The following SPTBN1 variants were observed in gnomAD, a reference collection of about 807,000 sequenced individuals.
SPTBN1 encodes the protein spectrin beta chain, non-erythrocytic 1.
A neutral mutation model predicts 266.4 loss-of-function variants in SPTBN1; 32 were observed. The ratio of observed to expected loss-of-function variants is 0.12; its 90% CI spans 0.09 to 0.16. The LOEUF (loss-of-function observed/expected upper bound fraction) is 0.16, where lower values mean the gene tolerates loss of function less well. SPTBN1 is among the 10% of genes least tolerant of loss of function. The pLI is 1.00. For synonymous variants in SPTBN1, 1,336 were observed against 1,162.2 expected (o/e 1.15, Z -3.04); for missense variants, 2,296 against 3,067.1 (o/e 0.75, Z 5.94).
At position 54,632,771 on chromosome 2, in the gene SPTBN1, A is replaced by G. The variant is rs770225274; in HGVS notation, c.3767+3A>G. ...AAGGTGGACTCTATTGATGACAGGTACAGTTTTCTGAGGTTCTTAAGGGAG... is the reference window on the plus strand; with the variant it reads ...AAGGTGGACTCTATTGATGACAGGTGCAGTTTTCTGAGGTTCTTAAGGGAG... On this transcript the variant is annotated splice_donor_region_variant and intron_variant, in intron 17 of 35. Coordinates refer to ENST00000356805, the MANE Select transcript of SPTBN1 (RefSeq NM_003128.3). The G allele has an allele frequency of 6.2e-7, 1 of 1,613,918 alleles. No individual in the cohort carries two copies. Among genetic ancestry groups the G allele is most frequent in the Admixed American group, 1.7e-5 (1 of 60,002 alleles).
chr2:54,487,405 C>G (rs577778488), intron 1 of SPTBN1, among the ~76,000 whole-genome samples: 1 of 27,000 alleles, frequency 3.7e-5, no homozygotes, highest in Non-Finnish European at 5.8e-5. Context: ...GCATGACATA[C>G]TACTACTGTA....
rs1671379271 is a variant in SPTBN1 at position 54,533,349 on chromosome 2, AGTGTG to A, written c.148+6784_148+6788del. On this transcript the variant is annotated intron_variant, in intron 2 of 35. Coordinates refer to ENST00000356805, the MANE Select transcript of SPTBN1 (RefSeq NM_003128.3). This position sits in a 1 kb window ranked among gnomAD's most constrained non-coding sequence, Gnocchi z 4.2. Reference sequence around the variant, plus strand: ...AGTGAAACCCAGGCTAAAGGGGACTAGTGTGTGTGTGTGTGTGTGTGTGTGTGTGT... The same window carrying A: ...AGTGAAACCCAGGCTAAAGGGGACTATGTGTGTGTGTGTGTGTGTGTGTGT... Among the ~76,000 whole-genome samples the A allele has an allele frequency of 7.0e-6, 1 of 141,884 alleles. No individual in the cohort carries two copies. Among genetic ancestry groups the A allele is most frequent in the African/African-American group, 2.7e-5 (1 of 37,702 alleles). 93.1% of individuals were successfully genotyped at this position (141,884 alleles called of 152,430 possible). A position where few individuals can be genotyped will look rare whatever the true frequency, so the allele number is the denominator to read the frequency against.
chr2:54,466,664 G>A (rs993670493), intron 1 of SPTBN1, among the ~76,000 whole-genome samples: 3 of 149,674 alleles, frequency 2.0e-5, no homozygotes, highest in African/African-American at 7.3e-5. Context: ...CTTGGGTAAT[G>A]GAATTGCAGA....
chr2:54,649,462 AG>A lies in SPTBN1; in HGVS notation c.5203-151del. 2 of 1,253,322 alleles carry A rather than the reference AG, an allele frequency of 1.6e-6. No individual in the cohort carries two copies. Among genetic ancestry groups the A allele is most frequent in the Non-Finnish European group, 2.2e-6 (2 of 924,946 alleles). The allele number at this position is 1,253,322 out of a possible 1,614,324, so 77.6% of individuals were successfully genotyped here. Reference sequence around the variant, plus strand: ...CAAGAAAGGAAACCCAGTTGCTAAGAGGTTCTCGAGCTAAGATCTATTGTTC... The same window carrying A: ...CAAGAAAGGAAACCCAGTTGCTAAGAGTTCTCGAGCTAAGATCTATTGTTC... On this transcript the variant is annotated intron_variant, in intron 25 of 35. Coordinates refer to ENST00000356805, the MANE Select transcript of SPTBN1 (RefSeq NM_003128.3). The surrounding 1 kb of genome is among the most constrained non-coding windows in gnomAD (Gnocchi z 6.7).
chr2:54,512,823 C>T (rs1168470037), intron 1 of SPTBN1, among the ~76,000 whole-genome samples: 1 of 152,180 alleles, frequency 6.6e-6, no homozygotes, highest in Non-Finnish European at 1.5e-5. Context: ...AATACAGCTC[C>T]TACCATCTGT....
intron 26 of SPTBN1, among the ~76,000 whole-genome samples, chr2:54,652,167 A>T (rs991356383): frequency 5.9e-5 from 9 of 152,220 alleles, no homozygotes; most frequent in African/African-American, 2.2e-4. Flanking sequence ...TATGCCTTTA[A>T]TTAGACATTG....
Position 54,625,655 on chromosome 2 carries a change from A to G in SPTBN1, c.1342-277A>G, listed in dbSNP as rs191523013. On this transcript the variant is annotated intron_variant, in intron 11 of 35. Coordinates refer to ENST00000356805, the MANE Select transcript of SPTBN1 (RefSeq NM_003128.3). Reference sequence around the variant, plus strand: ...ATTCAGGCTGGAGTGCAGTGGCGCAATCTCGGCTCACTGCAACCTCTGCTT... The same window carrying G: ...ATTCAGGCTGGAGTGCAGTGGCGCAGTCTCGGCTCACTGCAACCTCTGCTT... Among the ~76,000 whole-genome samples, 308 of 152,258 alleles carry G rather than the reference A, an allele frequency of 2.0e-3. 1 individual carries two copies. Among genetic ancestry groups the G allele is most frequent in the Non-Finnish European group, 3.1e-3 (211 of 68,026 alleles).
chr2:54,559,242 C>G (rs1673108852), intron 2 of SPTBN1, among the ~76,000 whole-genome samples: 1 of 152,152 alleles, frequency 6.6e-6, no homozygotes, highest in Non-Finnish European at 1.5e-5. Context: ...CTCCCAGCCC[C>G]CAGCCTCTTA....
rs149614689 is a variant in SPTBN1, at chr2:54,565,075, A to G, written c.149-34017A>G. ...GAATTGGCTAGAAATGTAAAATCTC[A>G]GATCTCCACTTCTCACCTACTGAAT... On this transcript the variant is annotated intron_variant, in intron 2 of 35. Coordinates refer to ENST00000356805, the MANE Select transcript of SPTBN1 (RefSeq NM_003128.3). 1.2e-4 allele frequency among the ~76,000 whole-genome samples: 19 copies of G among 152,346 alleles called. No individual in the cohort carries two copies. The East Asian group carries it at 3.5e-3, about 28-fold the overall frequency.
chr2:54,664,926 A>C lies in SPTBN1; in HGVS notation c.6659+235A>C. 2.0e-6 allele frequency: 1 copy of C among 509,636 alleles called. No individual in the cohort carries two copies. The highest frequency in any genetic ancestry group is 2.6e-5 in the South Asian group (1 of 38,542). 31.6% of individuals were successfully genotyped at this position (509,636 alleles called of 1,614,324 possible). On this transcript the variant is annotated intron_variant, in intron 33 of 35. Transcript: ENST00000356805. The surrounding 1 kb of genome is among the most constrained non-coding windows in gnomAD (Gnocchi z 5.6). ...GGGAGTAGCTAGAAGGGGCTTTAGT[A>C]GTTCATCTAGAGAAGGAATTTGCTA...
intron 2 of SPTBN1, among the ~76,000 whole-genome samples, chr2:54,586,834 G>A (rs927716708): frequency 1.3e-5 from 2 of 152,158 alleles, no homozygotes; most frequent in African/African-American, 4.8e-5. Context: ...TATCTTGTTG[G>A]CGACGTCAGC....
intron 1 of SPTBN1, among the ~76,000 whole-genome samples, chr2:54,481,419 T>C (rs1034564799): frequency 7.5e-6 from 1 of 133,032 alleles, no homozygotes; most frequent in Non-Finnish European, 1.6e-5. Context: ...TGTGTGTGTG[T>C]GTGTGTGTGT....
At position 54,649,599 on chromosome 2, in the gene SPTBN1, C is replaced by A; in HGVS notation, c.5203-16C>A. On this transcript the variant is annotated splice_polypyrimidine_tract_variant and intron_variant, in intron 25 of 35. Coordinates refer to ENST00000356805, the MANE Select transcript of SPTBN1 (RefSeq NM_003128.3). This position sits in a 1 kb window ranked among gnomAD's most constrained non-coding sequence, Gnocchi z 6.7. ...CACAGTGGGCTCTCTGATTTCCTTA[C>A]CCATCCCCGTTTCAGATGTTACAAG... 1 of 1,601,842 alleles carries A rather than the reference C, an allele frequency of 6.2e-7. No homozygotes were observed. Among genetic ancestry groups the A allele is most frequent in the Non-Finnish European group, 8.5e-7 (1 of 1,170,014 alleles).
At chr2:54,498,099 A>G (rs1011627993) in intron 1 of SPTBN1, among the ~76,000 whole-genome samples, 2 of 152,220 alleles carry the variant, frequency 1.3e-5, no homozygotes, top group Non-Finnish European at 2.9e-5. Flanking sequence ...AAACTTTGTT[A>G]TATTTCTTAG....
intron 1 of SPTBN1, among the ~76,000 whole-genome samples, chr2:54,478,718 A>G (rs1298973073): frequency 6.6e-6 from 1 of 152,208 alleles, no homozygotes; most frequent in African/African-American, 2.4e-5. Flanking sequence ...ACCACTTGGG[A>G]TGCATTTTAA....
chr2:54,568,953 TC>T (rs1157170948), intron 2 of SPTBN1, among the ~76,000 whole-genome samples: 2 of 152,260 alleles, frequency 1.3e-5, no homozygotes, highest in Non-Finnish European at 2.9e-5. Context: ...TGGTTAGACT[TC>T]AGTCTAGTTT....
chr2:54,558,896 C>T lies in SPTBN1; in HGVS notation c.148+32330C>T, dbSNP rs1016389093. 8 of 1,612,236 alleles carry T rather than the reference C, an allele frequency of 5.0e-6. No homozygotes were observed. The highest frequency in any genetic ancestry group is 1.3e-5 in the African/African-American group (1 of 74,976). On this transcript the variant is annotated intron_variant, in intron 2 of 35. Coordinates refer to ENST00000356805, the MANE Select transcript of SPTBN1 (RefSeq NM_003128.3). This position sits in a 1 kb window ranked among gnomAD's most constrained non-coding sequence, Gnocchi z 4.6. ...ATTCAAGCAGCTGCAAGGTAAGCCC[C>T]CTCCCAAAGGCCGGGCCTGTCCTGG...
At position 54,669,124 on chromosome 2, in the gene SPTBN1, T is replaced by C; in HGVS notation, c.*555T>C. The C allele has an allele frequency of 6.5e-6, 1 of 153,982 alleles. No individual in the cohort carries two copies. The highest frequency in any genetic ancestry group is 2.0e-4 in the South Asian group (1 of 4,972). 9.5% of individuals were successfully genotyped at this position (153,982 alleles called of 1,614,324 possible). On this transcript the variant is annotated 3_prime_UTR_variant, in exon 36 of 36. Transcript: ENST00000356805. ...CAGACCAAACCATTTGTATCTGGCATCACTTACTAACACACGACATGCGGC... is the reference window on the plus strand; with the variant it reads ...CAGACCAAACCATTTGTATCTGGCACCACTTACTAACACACGACATGCGGC...
chr2:54,606,919 A>G (rs1448174670), intron 3 of SPTBN1, among the ~76,000 whole-genome samples: 2 of 152,218 alleles, frequency 1.3e-5, no homozygotes, highest in Non-Finnish European at 2.9e-5. Flanking sequence ...TTTTAGATTA[A>G]GCCCACCCGT....
Sources: allele counts gnomAD v4.1 joint callset (sites outside exome capture counted in the v4.1 genomes callset), GRCh38; gene constraint gnomAD v4.1.1; non-coding constraint Gnocchi (gnomAD v3.1); transcripts MANE v1.5; gene names NCBI Gene and HGNC (gene_info 2026-07-23, HGNC 2026-07-21).